MAL2: variants seen among roughly 807,000 people sequenced by gnomAD.
MAL2 encodes the protein protein MAL2.
Under a neutral mutation model 18.1 loss-of-function variants are expected in MAL2, and 17 were observed. The observed-to-expected ratio is 0.94, with a 90% CI of 0.64 to 1.41. MAL2 has a LOEUF of 1.41. MAL2 is among the 40% of genes most tolerant of loss of function. The pLI is 0.00. For missense variants in MAL2, 222 were observed against 231.9 expected (o/e 0.96, Z 0.28); for synonymous variants, 102 against 102.3 (o/e 1.00, Z 0.02).
chr8:119,237,479 C>T (rs1817933446), intron 2 of MAL2, among the ~76,000 whole-genome samples: 1 of 151,446 alleles, frequency 6.6e-6, no homozygotes, highest in African/African-American at 2.5e-5. Context: ...GGCAGAGAGA[C>T]AACCAAAAAA....
chr8:119,213,863 G>A (rs1428209033), intron 1 of MAL2, among the ~76,000 whole-genome samples: 3 of 152,050 alleles, frequency 2.0e-5, no homozygotes, highest in South Asian at 2.1e-4. Context: ...AGTTTCATAA[G>A]GGAAAATAAA....
intron 2 of MAL2, among the ~76,000 whole-genome samples, chr8:119,229,882 C>T (rs950008730): frequency 5.3e-5 from 8 of 152,184 alleles, no homozygotes; most frequent in African/African-American, 1.9e-4. Context: ...GGAAGGACAG[C>T]AGTTCCACTC....
intron 3 of MAL2, 31 bp downstream of exon 3, chr8:119,240,351 A>T (rs1173474309): frequency 1.2e-6 from 2 of 1,603,350 alleles, no homozygotes; most frequent in Non-Finnish European, 1.7e-6. Flanking sequence ...AGTACCATTC[A>T]CCAGCACTTC....
intron 1 of MAL2, among the ~76,000 whole-genome samples, chr8:119,211,468 A>G (rs753578386): frequency 6.6e-6 from 1 of 152,172 alleles, no homozygotes; most frequent in Non-Finnish European, 1.5e-5. Flanking sequence ...TGACTACGCT[A>G]TTGACACCAT....
At chr8:119,243,389 A>T in intron 3 of MAL2, 28 bp from the exon 4 acceptor site, 1 of 1,542,366 alleles carries the variant, frequency 6.5e-7, no homozygotes, top group South Asian at 1.2e-5. Context: ...TGTAAATCTG[A>T]TGTGAATTTT....
intron 2 of MAL2, among the ~76,000 whole-genome samples, chr8:119,239,916 AT>A (rs1818010563): frequency 1.3e-5 from 2 of 152,190 alleles, no homozygotes; most frequent in Non-Finnish European, 2.9e-5. Flanking sequence ...TAATAAAAAA[AT>A]AAAATTACAT....
chr8:119,226,597 T>C (rs543700647), intron 2 of MAL2, among the ~76,000 whole-genome samples: 20 of 151,856 alleles, frequency 1.3e-4, no homozygotes, highest in African/African-American at 4.8e-4. Flanking sequence ...TGAGCATTGA[T>C]AAGATGGGTG....
At chr8:119,236,710 T>C (rs1194984935) in intron 2 of MAL2, among the ~76,000 whole-genome samples, 1 of 149,974 alleles carries the variant, frequency 6.7e-6, no homozygotes, top group Non-Finnish European at 1.5e-5. Flanking sequence ...CATAACGAAA[T>C]GAAGGCAGAA....
At chr8:119,214,928 G>A (rs1817324802) in intron 1 of MAL2, among the ~76,000 whole-genome samples, 1 of 152,136 alleles carries the variant, frequency 6.6e-6, no homozygotes, top group Non-Finnish European at 1.5e-5. Flanking sequence ...CTCTAATGCA[G>A]GTCTATGCCA....
At chr8:119,237,354 G>C (rs1250244788) in intron 2 of MAL2, among the ~76,000 whole-genome samples, 2 of 151,754 alleles carry the variant, frequency 1.3e-5, no homozygotes, top group African/African-American at 2.4e-5. Context: ...AATTCTACCA[G>C]AGGTACAAGG....
At chr8:119,238,110 A>G (rs1817953629) in intron 2 of MAL2, among the ~76,000 whole-genome samples, 2 of 152,232 alleles carry the variant, frequency 1.3e-5, no homozygotes, top group Admixed American at 6.5e-5. Context: ...AAACCAATGT[A>G]CAAAAATCAC....
chr8:119,237,718 G>T (rs1347972865), intron 2 of MAL2, among the ~76,000 whole-genome samples: 1 of 151,660 alleles, frequency 6.6e-6, no homozygotes, highest in Non-Finnish European at 1.5e-5. Context: ...TGCAGAAAAA[G>T]CCTTTGACAA....
intron 2 of MAL2, among the ~76,000 whole-genome samples, chr8:119,237,327 A>T (rs1053945703): frequency 6.6e-6 from 1 of 151,726 alleles, no homozygotes; most frequent in Non-Finnish European, 1.5e-5. Flanking sequence ...GTCCAGGACC[A>T]GATGGATTCA....
chr8:119,235,336 A>T (rs1419673966), intron 2 of MAL2, among the ~76,000 whole-genome samples: 4 of 152,220 alleles, frequency 2.6e-5, no homozygotes, highest in Admixed American at 2.6e-4. Flanking sequence ...GGGGTACCTG[A>T]AAGTGATGGG....
intron 3 of MAL2, among the ~76,000 whole-genome samples, chr8:119,241,437 G>A (rs1463517813): frequency 1.3e-5 from 2 of 152,236 alleles, no homozygotes; most frequent in Admixed American, 1.3e-4. Context: ...CTACTCAGGA[G>A]GCGGAGGTTG....
chr8:119,227,953 A>G (rs1266013564), intron 2 of MAL2, among the ~76,000 whole-genome samples: 3 of 152,060 alleles, frequency 2.0e-5, no homozygotes, highest in African/African-American at 4.8e-5. Context: ...TGAGAGAGTC[A>G]GGGCCCCTGG....
intron 2 of MAL2, among the ~76,000 whole-genome samples, chr8:119,226,056 T>G (rs914338705): frequency 6.6e-6 from 1 of 151,982 alleles, no homozygotes; most frequent in African/African-American, 2.4e-5. Flanking sequence ...TTTTCTCCCA[T>G]TCTGTAAAAA....
intron 2 of MAL2, among the ~76,000 whole-genome samples, chr8:119,227,244 A>C (rs1817615069): frequency 6.6e-6 from 1 of 152,230 alleles, no homozygotes; most frequent in African/African-American, 2.4e-5. Flanking sequence ...TCTCAGCTTC[A>C]CTGGGAAGTA....
chr8:119,222,035 T>G (rs2129812422), intron 2 of MAL2, among the ~76,000 whole-genome samples: 1 of 152,300 alleles, frequency 6.6e-6, no homozygotes, highest in Admixed American at 6.5e-5. Flanking sequence ...ATACGGCAAA[T>G]GAATTGCATT....
Sources: gnomAD v4.1 joint callset for allele counts (sites outside exome capture counted in the v4.1 genomes callset) on GRCh38, gnomAD v4.1.1 for gene constraint, MANE v1.5 for transcripts, NCBI Gene and HGNC (gene_info 2026-07-23, HGNC 2026-07-21) for gene names.